NEK11: variants seen among roughly 807,000 people sequenced by gnomAD.
NEK11 encodes serine/threonine-protein kinase Nek11.
NEK11 carries 72 observed loss-of-function variants against 80.7 expected under a neutral mutation model. The ratio of observed to expected loss-of-function variants is 0.89; its 90% CI spans 0.74 to 1.08. The LOEUF (loss-of-function observed/expected upper bound fraction) is 1.08, where lower values mean the gene tolerates loss of function less well. Among genes scored for constraint, NEK11 ranks in the 50% least tolerant of loss-of-function variants. The pLI, the probability that NEK11 is intolerant of heterozygous loss-of-function variation, is 0.00. For synonymous variants in NEK11, 251 were observed against 260.7 expected, an observed-to-expected ratio of 0.96 and a Z score of 0.36; for missense variants, 764 against 763.6, an observed-to-expected ratio of 1.00 and a Z score of -0.01.
intron 3 of NEK11, among the ~76,000 whole-genome samples, chr3:131,056,029 T>C (rs1024798131): frequency 2.0e-5 from 3 of 152,194 alleles, no homozygotes; most frequent in Non-Finnish European, 4.4e-5. Flanking sequence ...CAGTTCCCTT[T>C]TTCTGGAGAG....
At chr3:131,191,813 T>C (rs1264390409) in intron 14 of NEK11, among the ~76,000 whole-genome samples, 1 of 151,922 alleles carries the variant, frequency 6.6e-6, no homozygotes, top group Non-Finnish European at 1.5e-5. Flanking sequence ...ATACCAAAAA[T>C]TAAAATTAAA....
At chr3:131,349,493 C>T in intron 17 of NEK11, 64 bp from the exon 18 acceptor site, 1 of 1,352,516 alleles carries the variant, frequency 7.4e-7, no homozygotes, top group East Asian at 2.3e-5. Context: ...GATTTAAAAG[C>T]ACATTTTCCT....
At position 131,315,848 on chromosome 3, in the gene NEK11, C is replaced by A. The variant is rs1447721460; in HGVS notation, c.1719-33709C>A. 2.6e-5 allele frequency among the ~76,000 whole-genome samples: 4 copies of A among 152,054 alleles called. No individual in the cohort carries two copies. The East Asian group carries it at 7.7e-4, about 29-fold the overall frequency. ...TGTGTTAGTTTGCTGAGGATAATAG[C>A]TTCCAACTCCATTCATATCCCTGCA... On this transcript the variant is annotated intron_variant, in intron 17 of 17. Transcript: ENST00000383366.
In NEK11 at chr3:131,141,077, G is replaced by A. The variant is rs372245408; in HGVS notation, c.647+7121G>A. Among the ~76,000 whole-genome samples, 11 of 151,974 alleles carry A rather than the reference G, an allele frequency of 7.2e-5. No homozygotes were observed. In the East Asian group the frequency reaches 7.8e-4, roughly 11 times the overall value. Reference sequence around the variant, plus strand: ...TATACCATGGAAATTTGTAAATTAGGGCTTCTCCTCCTACCTCAGAAAGGC... The same window carrying A: ...TATACCATGGAAATTTGTAAATTAGAGCTTCTCCTCCTACCTCAGAAAGGC... On this transcript the variant is annotated intron_variant, in intron 7 of 17. Transcript: ENST00000383366.
At chr3:131,313,823 C>G (rs2096805878) in intron 17 of NEK11, among the ~76,000 whole-genome samples, 1 of 152,202 alleles carries the variant, frequency 6.6e-6, no homozygotes, top group South Asian at 2.1e-4. Flanking sequence ...GTTGGAATAA[C>G]AGTTTTGCCC....
intron 9 of NEK11, 96 bp downstream of exon 9, chr3:131,152,805 G>A (rs2089934432): frequency 7.9e-6 from 7 of 890,298 alleles, no homozygotes; most frequent in Non-Finnish European, 1.2e-5. Flanking sequence ...GATTCAGTAA[G>A]AATCAACCAG....
intron 14 of NEK11, among the ~76,000 whole-genome samples, chr3:131,219,698 C>T (rs1008406009): frequency 6.6e-6 from 1 of 152,180 alleles, no homozygotes; most frequent in Non-Finnish European, 1.5e-5. Context: ...GCCCCTTAAT[C>T]TCCAACCTCC....
intron 15 of NEK11, among the ~76,000 whole-genome samples, chr3:131,233,702 CTCT>C (rs759996267): frequency 3.9e-5 from 6 of 152,170 alleles, no homozygotes; most frequent in Non-Finnish European, 8.8e-5. Context: ...GACTGTAAGC[CTCT>C]TGTTGCTTTG....
At position 131,315,544 on chromosome 3, in the gene NEK11, C is replaced by CT. The variant is rs201472590; in HGVS notation, c.1719-34001dup. 1.1e-3 allele frequency among the ~76,000 whole-genome samples: 162 copies of CT among 143,434 alleles called. 2 individuals carry two copies. In the Middle Eastern group the frequency reaches 0.043, roughly 38 times the overall value. 94.1% of individuals were successfully genotyped at this position (143,434 alleles called of 152,430 possible). Reference sequence around the variant, plus strand: ...GTTGTTTCTATATCTTGCCATGCTTCTTTTTTTTTTTTCTTCAACTTTTAA... The same window carrying CT: ...GTTGTTTCTATATCTTGCCATGCTTCTTTTTTTTTTTTTCTTCAACTTTTAA... On this transcript the variant is annotated intron_variant, in intron 17 of 17. Transcript: ENST00000383366.
At chr3:131,186,324 G>A (rs1471987670) in intron 14 of NEK11, among the ~76,000 whole-genome samples, 1 of 152,074 alleles carries the variant, frequency 6.6e-6, no homozygotes, top group Non-Finnish European at 1.5e-5. Context: ...ATCAAATGAT[G>A]GTCTTAATGA....
intron 16 of NEK11, among the ~76,000 whole-genome samples, 190 bp from the exon 17 acceptor site, chr3:131,273,288 C>T (rs1215974840): frequency 2.0e-5 from 3 of 152,190 alleles, no homozygotes; most frequent in Non-Finnish European, 4.4e-5. Context: ...CATATTAAAA[C>T]TGTAAATAAT....
At chr3:131,284,046 G>C (rs140520364) in intron 17 of NEK11, among the ~76,000 whole-genome samples, 6 of 152,268 alleles carry the variant, frequency 3.9e-5, no homozygotes, top group African/African-American at 9.6e-5. Context: ...ACCTAGCTAG[G>C]GAAACCGGAC....
intron 17 of NEK11, among the ~76,000 whole-genome samples, chr3:131,337,222 C>G (rs184943070): frequency 8.6e-5 from 13 of 151,190 alleles, no homozygotes; most frequent in Non-Finnish European, 1.9e-4. Flanking sequence ...ACTCAAATGT[C>G]CAACAATGAT....
intron 14 of NEK11, among the ~76,000 whole-genome samples, chr3:131,198,194 T>A (rs1560917735): frequency 6.6e-6 from 1 of 152,182 alleles, no homozygotes. Context: ...CTTTCAAGTA[T>A]TCCATTATCA....
intron 17 of NEK11, among the ~76,000 whole-genome samples, chr3:131,304,300 T>A (rs536055219): frequency 2.2e-4 from 33 of 152,312 alleles, no homozygotes; most frequent in African/African-American, 7.2e-4. Context: ...CATATTTCAG[T>A]TCCTGTATTG....
intron 16 of NEK11, among the ~76,000 whole-genome samples, chr3:131,255,749 G>A (rs1020730220): frequency 3.9e-5 from 6 of 151,988 alleles, no homozygotes; most frequent in Admixed American, 1.3e-4. Context: ...ACTATGTGTT[G>A]GCCTCTGAGA....
intron 3 of NEK11, among the ~76,000 whole-genome samples, chr3:131,063,438 G>A (rs888518473): frequency 6.6e-6 from 1 of 152,170 alleles, no homozygotes; most frequent in African/African-American, 2.4e-5. Context: ...TGAATTCTGA[G>A]TCTTGAATAC....
intron 14 of NEK11, among the ~76,000 whole-genome samples, chr3:131,172,205 C>G (rs2150074358): frequency 6.6e-6 from 1 of 152,288 alleles, no homozygotes; most frequent in African/African-American, 2.4e-5. Flanking sequence ...TGAGAGAATG[C>G]AGAGATGGAT....
At chr3:131,191,804 T>A (rs2150286194) in intron 14 of NEK11, among the ~76,000 whole-genome samples, 1 of 152,218 alleles carries the variant, frequency 6.6e-6, no homozygotes, top group East Asian at 1.9e-4. Flanking sequence ...CCTTACCTCA[T>A]ACCAAAAATT....
Sources: allele counts gnomAD v4.1 joint callset (sites outside exome capture counted in the v4.1 genomes callset), GRCh38; gene constraint gnomAD v4.1.1; transcripts MANE v1.5; gene names NCBI Gene and HGNC (gene_info 2026-07-23, HGNC 2026-07-21).